STEAP1B: variants seen among roughly 807,000 people sequenced by gnomAD.
STEAP1B encodes STEAP family member 1B, also known as STEAP family protein MGC87042.
A neutral mutation model predicts 27.9 loss-of-function variants in STEAP1B; 13 were observed. The ratio of observed to expected loss-of-function variants is 0.47; its 90% confidence interval spans 0.30 to 0.74. STEAP1B has a LOEUF of 0.74. Among genes scored for constraint, STEAP1B ranks in the 30% least tolerant of loss-of-function variants. The pLI is 0.06. For synonymous variants in STEAP1B, 86 were observed against 107.1 expected, an observed-to-expected ratio of 0.80 and a Z score of 1.22; for missense variants, 250 against 298.7, an observed-to-expected ratio of 0.84 and a Z score of 1.20.
chr7:22,477,348 C>T (rs982298027), intron 4 of STEAP1B, among the ~76,000 whole-genome samples: 3 of 151,948 alleles, frequency 2.0e-5, no homozygotes, highest in African/African-American at 7.3e-5. Context: ...ATTAATGCCC[C>T]CACCCAACTC....
chr7:22,466,896 T>C (rs893965456), intron 4 of STEAP1B, among the ~76,000 whole-genome samples: 7 of 152,200 alleles, frequency 4.6e-5, no homozygotes, highest in African/African-American at 1.7e-4. Flanking sequence ...ACCAAGTTAC[T>C]TTGCCTCTCT....
At chr7:22,446,223 G>A (rs1785407128) in intron 4 of STEAP1B, among the ~76,000 whole-genome samples, 1 of 152,202 alleles carries the variant, frequency 6.6e-6, no homozygotes. Flanking sequence ...TTGTTTATGA[G>A]GCAGATCCCC....
At chr7:22,487,531 C>T (rs796463236) in intron 4 of STEAP1B, among the ~76,000 whole-genome samples, 36 of 149,624 alleles carry the variant, frequency 2.4e-4, no homozygotes, top group African/African-American at 8.9e-4. Context: ...TGGCTCATGC[C>T]TGTAATCCCA....
intron 4 of STEAP1B, among the ~76,000 whole-genome samples, chr7:22,433,788 G>A (rs1230828979): frequency 6.6e-6 from 1 of 152,184 alleles, no homozygotes; most frequent in African/African-American, 2.4e-5. Context: ...GGTATAACTG[G>A]TTGTCAACTG....
intron 4 of STEAP1B, among the ~76,000 whole-genome samples, chr7:22,456,972 A>ATATATATATATATATATATTTTTTTT: frequency 1.8e-5 from 1 of 57,046 alleles, no homozygotes; most frequent in African/African-American, 7.0e-5. Context: ...ATATATATAT[A>ATATATATATATATATATATTTTTTTT]TTTTTTTTTT....
At chr7:22,483,480 T>G (rs757299556) in intron 4 of STEAP1B, among the ~76,000 whole-genome samples, 2 of 152,162 alleles carry the variant, frequency 1.3e-5, no homozygotes, top group Non-Finnish European at 2.9e-5. Flanking sequence ...TTGCATTTTG[T>G]TTTTGGTTTT....
At chr7:22,451,568 T>C (rs1785490520) in intron 4 of STEAP1B, among the ~76,000 whole-genome samples, 1 of 152,228 alleles carries the variant, frequency 6.6e-6, no homozygotes, top group Non-Finnish European at 1.5e-5. Flanking sequence ...GAGGTATATT[T>C]TATCTCCAGT....
chr7:22,465,950 G>A (rs1785772180), intron 4 of STEAP1B, among the ~76,000 whole-genome samples: 1 of 152,180 alleles, frequency 6.6e-6, no homozygotes. Flanking sequence ...CATGGCTCAT[G>A]TTCCACGGGA....
intron 4 of STEAP1B, among the ~76,000 whole-genome samples, chr7:22,457,899 A>G (rs1203000679): frequency 6.6e-6 from 1 of 152,228 alleles, no homozygotes; most frequent in Non-Finnish European, 1.5e-5. Context: ...TTACTCTGCA[A>G]TGAAATCTGC....
chr7:22,499,382 G>GTTTTT (rs762539777), intron 1 of STEAP1B, among the ~76,000 whole-genome samples: 12,344 of 149,808 alleles, frequency 0.082, 598 homozygotes, highest in Non-Finnish European at 0.092. Context: ...AGTTTTTTGG[G>GTTTTT]TTTTTTTTTC....
chr7:22,436,026 C>CTTAAGT (rs1217981044), intron 4 of STEAP1B, among the ~76,000 whole-genome samples: 3 of 152,210 alleles, frequency 2.0e-5, no homozygotes, highest in Non-Finnish European at 4.4e-5. Context: ...GAATTCCAGC[C>CTTAAGT]TCACCAATCC....
At chr7:22,452,835 A>C (rs919320548) in intron 4 of STEAP1B, among the ~76,000 whole-genome samples, 1 of 152,218 alleles carries the variant, frequency 6.6e-6, no homozygotes, top group Non-Finnish European at 1.5e-5. Context: ...CAGGAAGAAC[A>C]ACCAGGATTT....
In STEAP1B at chr7:22,451,895, G is replaced by A. The variant is rs111686626; in HGVS notation, c.763-32059C>T. Among the ~76,000 whole-genome samples, 376 of 152,220 alleles carry A rather than the reference G, an allele frequency of 2.5e-3. 1 individual carries two copies. Among genetic ancestry groups the A allele is most frequent in the African/African-American group, 8.5e-3 (351 of 41,518 alleles). ...CTGGTTTTAGTATCAGAGTAATACT[G>A]GCCTCTTAGAACGAGTTTGGAAGTA... On this transcript the variant is annotated intron_variant, in intron 4 of 4. Transcript: ENST00000678116.
intron 4 of STEAP1B, among the ~76,000 whole-genome samples, chr7:22,479,813 T>C (rs57401232): frequency 0.32 from 48,712 of 150,914 alleles, 7,979 homozygotes; most frequent in East Asian, 0.45. Context: ...GACTCCTGAG[T>C]AGCTGGGGTT....
intron 4 of STEAP1B, among the ~76,000 whole-genome samples, chr7:22,480,713 G>A (rs1340129328): frequency 6.6e-6 from 1 of 152,106 alleles, no homozygotes; most frequent in Non-Finnish European, 1.5e-5. Flanking sequence ...GTGCCTTTAG[G>A]TGCAGCGGGT....
At chr7:22,479,242 G>A (rs1786024504) in intron 4 of STEAP1B, among the ~76,000 whole-genome samples, 1 of 152,154 alleles carries the variant, frequency 6.6e-6, no homozygotes, top group Non-Finnish European at 1.5e-5. Flanking sequence ...ATGGGGGAGA[G>A]GTAGATGGAA....
At chr7:22,439,726 T>G (rs962327980) in intron 4 of STEAP1B, among the ~76,000 whole-genome samples, 1 of 152,204 alleles carries the variant, frequency 6.6e-6, no homozygotes, top group Admixed American at 6.5e-5. Context: ...CCACTGTGAT[T>G]GATATTCCAC....
intron 4 of STEAP1B, among the ~76,000 whole-genome samples, chr7:22,455,917 G>A (rs1489696901): frequency 1.3e-5 from 2 of 152,224 alleles, no homozygotes; most frequent in African/African-American, 4.8e-5. Context: ...GGAGGCCGAG[G>A]AGGGCAGATC....
intron 4 of STEAP1B, among the ~76,000 whole-genome samples, chr7:22,467,041 G>A (rs1471244793): frequency 6.6e-6 from 1 of 152,154 alleles, no homozygotes; most frequent in African/African-American, 2.4e-5. Context: ...GTTTTTATCT[G>A]GTCTTTGAAA....
Sources: allele counts gnomAD v4.1 joint callset (sites outside exome capture counted in the v4.1 genomes callset), GRCh38; gene constraint gnomAD v4.1.1; transcripts MANE v1.5; gene names NCBI Gene and HGNC (gene_info 2026-07-23, HGNC 2026-07-21).